The following RAB3GAP1 variants were observed in gnomAD, a reference collection of about 807,000 sequenced individuals.
RAB3GAP1 encodes rab3 GTPase-activating protein catalytic subunit.
RAB3GAP1 carries 86 observed loss-of-function variants against 130.7 expected under a neutral mutation model. The observed-to-expected ratio is 0.66, with a 90% CI of 0.55 to 0.79. The LOEUF is 0.79. Ranked by LOEUF, RAB3GAP1 falls within the 30% of genes least tolerant of loss-of-function variation. RAB3GAP1 has a pLI of 0.00. For missense variants in RAB3GAP1, 1,029 were observed against 1,169.4 expected, an observed-to-expected ratio of 0.88 and a Z score of 1.75; for synonymous variants, 367 against 401.7, an observed-to-expected ratio of 0.91 and a Z score of 1.03.
intron 17 of RAB3GAP1, among the ~76,000 whole-genome samples, chr2:135,149,223 G>C (rs937544248): frequency 2.6e-5 from 4 of 152,162 alleles, no homozygotes; most frequent in African/African-American, 9.7e-5. Flanking sequence ...AAGAATGAAG[G>C]CCTCTGCTCT....
intron 11 of RAB3GAP1, among the ~76,000 whole-genome samples, chr2:135,128,731 T>G (rs1232979679): frequency 6.6e-6 from 1 of 152,220 alleles, no homozygotes; most frequent in Non-Finnish European, 1.5e-5. Flanking sequence ...TCAGAATTAG[T>G]TGGTGAATTA....
intron 2 of RAB3GAP1, 150 bp from the exon 3 acceptor site, chr2:135,057,861 A>G (rs1689057882): frequency 1.5e-6 from 1 of 648,710 alleles, no homozygotes; most frequent in Admixed American, 2.5e-5. Flanking sequence ...CTCTTACCCC[A>G]TATCCATAAA....
At position 135,163,056 on chromosome 2, in the gene RAB3GAP1, G is replaced by A. The variant is rs756725998; in HGVS notation, c.2561G>A (p.Gly854Glu). 6.2e-7 allele frequency: 1 copy of A among 1,613,966 alleles called. No individual in the cohort carries two copies. The highest frequency in any genetic ancestry group is 8.5e-7 in the Non-Finnish European group (1 of 1,179,850). ...ARARSLKAKF[G>E]TEKCEQEEEK... ...GCTCGGTCACTAAAAGCCAAGTTTG[G>A]AACTGAGAAATGTGAACAGGAGGAG... Residue 854 changes from glycine to glutamate, a missense_variant, in exon 22 of 24, where the codon GGA (glycine) becomes GAA (glutamate). By Grantham distance (98) the Gly-to-Glu change is moderately conservative (BLOSUM62 -2). This residue lies in a region of RAB3GAP1 where 373 missense variants were observed against 493.6 expected (regional missense o/e 0.76). Coordinates refer to ENST00000264158, the MANE Select transcript of RAB3GAP1 (RefSeq NM_012233.3).
chr2:135,125,559 T>C (rs1389450300), intron 9 of RAB3GAP1, among the ~76,000 whole-genome samples: 1 of 152,222 alleles, frequency 6.6e-6, no homozygotes, highest in Non-Finnish European at 1.5e-5. Context: ...ATGAAAGTTA[T>C]GTGAATGTGA....
At chr2:135,154,406 C>G (rs1692254305) in intron 19 of RAB3GAP1, among the ~76,000 whole-genome samples, 1 of 152,110 alleles carries the variant, frequency 6.6e-6, no homozygotes, top group Non-Finnish European at 1.5e-5. Flanking sequence ...GCACACCTTC[C>G]TACCTCCTCC....
intron 4 of RAB3GAP1, among the ~76,000 whole-genome samples, chr2:135,093,208 C>T (rs10168991): frequency 0.027 from 4,122 of 152,178 alleles, 166 homozygotes; most frequent in African/African-American, 0.092. Context: ...TTTACAAGAA[C>T]ATTTAAGATG....
intron 5 of RAB3GAP1, among the ~76,000 whole-genome samples, chr2:135,107,324 T>TA (rs1442248226): frequency 6.6e-6 from 1 of 152,034 alleles, no homozygotes; most frequent in Non-Finnish European, 1.5e-5. Flanking sequence ...TCTCATAATT[T>TA]AAAAAAAGCG....
Position 135,153,715 on chromosome 2 carries a change from G to C in RAB3GAP1, c.2128G>C (p.Glu710Gln), listed in dbSNP as rs774430492. The change falls in exon 19 of 24, where the codon GAG becomes CAG. Residue 710 changes from glutamate (E) to glutamine (Q), a missense_variant. This residue lies in a region of RAB3GAP1 where 373 missense variants were observed against 493.6 expected (regional missense o/e 0.76). Transcript: ENST00000264158. ...RWYSPRDYIE[E>Q]EVIDEKGNVV... The stretch of plus-strand genomic sequence containing the variant: ...GTATTCACCCCGGGATTATATTGAA[G>C]AGGAGGTGATTGATGAAAAGGGCAA... 1 of 1,614,070 alleles carries C rather than the reference G, an allele frequency of 6.2e-7. No homozygotes were observed. The highest frequency in any genetic ancestry group is 1.1e-5 in the South Asian group (1 of 91,080).
chr2:135,069,419 CTTTA>C (rs1296904828), intron 3 of RAB3GAP1, among the ~76,000 whole-genome samples: 9 of 151,262 alleles, frequency 5.9e-5, no homozygotes, highest in African/African-American at 1.9e-4. Context: ...ACTTTTTTTT[CTTTA>C]TTTAGTCATT....
intron 3 of RAB3GAP1, among the ~76,000 whole-genome samples, chr2:135,072,250 G>C (rs371438889): frequency 2.6e-5 from 4 of 152,314 alleles, no homozygotes; most frequent in East Asian, 1.9e-4. Flanking sequence ...TTATCGGAGA[G>C]GGGGAGCATG....
chr2:135,158,923 A>C (rs1173020521), intron 19 of RAB3GAP1, among the ~76,000 whole-genome samples: 2 of 152,010 alleles, frequency 1.3e-5, no homozygotes, highest in Admixed American at 6.6e-5. Flanking sequence ...AGATGAACCC[A>C]AAATGAGGAA....
At chr2:135,081,361 T>TATATATACAC (rs1216831944) in intron 3 of RAB3GAP1, among the ~76,000 whole-genome samples, 49 of 71,248 alleles carry the variant, frequency 6.9e-4, no homozygotes, top group Admixed American at 1.5e-3. Context: ...TATATATATA[T>TATATATACAC]ACACACACGT....
chr2:135,164,363 G>A (rs1211668980), intron 22 of RAB3GAP1, among the ~76,000 whole-genome samples: 1 of 152,110 alleles, frequency 6.6e-6, no homozygotes, highest in Admixed American at 6.5e-5. Context: ...GACAGAGATA[G>A]GCTTTAAACA....
At chr2:135,156,000 AT>A (rs1692300813) in intron 19 of RAB3GAP1, among the ~76,000 whole-genome samples, 1 of 152,152 alleles carries the variant, frequency 6.6e-6, no homozygotes, top group South Asian at 2.1e-4. Context: ...AAAAGGGCAC[AT>A]ATTAGTAACT....
chr2:135,168,443 G>A, intron 23 of RAB3GAP1, 102 bp from the exon 24 acceptor site: 1 of 963,040 alleles, frequency 1.0e-6, no homozygotes, highest in Non-Finnish European at 1.7e-6. Context: ...GAGTAACGTG[G>A]GACATTTTCA....
chr2:135,143,324 T>C (rs894316496), intron 17 of RAB3GAP1, among the ~76,000 whole-genome samples: 3 of 152,032 alleles, frequency 2.0e-5, no homozygotes, highest in African/African-American at 4.8e-5. Context: ...TGGTATATTA[T>C]CTCTTTTGTT....
intron 5 of RAB3GAP1, among the ~76,000 whole-genome samples, chr2:135,107,696 T>G (rs529173388): frequency 2.6e-5 from 4 of 152,232 alleles, no homozygotes; most frequent in Admixed American, 6.5e-5. Context: ...GCATTCAAAG[T>G]AAGTGGTATG....
At chr2:135,161,645 CTT>C (rs1274848367) in intron 19 of RAB3GAP1, among the ~76,000 whole-genome samples, 1 of 151,964 alleles carries the variant, frequency 6.6e-6, no homozygotes, top group Non-Finnish European at 1.5e-5. Flanking sequence ...ATGTATATTT[CTT>C]AATTTAAAAA....
At position 135,089,443 on chromosome 2, in the gene RAB3GAP1, G is replaced by T. The variant is rs373020660; in HGVS notation, c.151-1555G>T. On this transcript the variant is annotated intron_variant, in intron 3 of 23. Transcript: ENST00000264158. The stretch of plus-strand genomic sequence containing the variant: ...TGAAGAAAGCCAGTGGTAGCTTAAT[G>T]GGGATAGCATTGAATCTATAAATTC... Among the ~76,000 whole-genome samples the T allele has an allele frequency of 2.6e-4, 39 of 151,028 alleles. No homozygotes were observed. In the South Asian group the frequency reaches 7.7e-3, roughly 30 times the overall value.
Sources: allele counts gnomAD v4.1 joint callset (sites outside exome capture counted in the v4.1 genomes callset), GRCh38; gene constraint gnomAD v4.1.1; regional missense constraint gnomAD v4.1.1; transcripts MANE v1.5; gene names NCBI Gene and HGNC (gene_info 2026-07-23, HGNC 2026-07-21).